P2RY6: variants seen among roughly 807,000 people sequenced by gnomAD.
P2RY6 encodes pyrimidinergic receptor P2Y6, also known as P2Y purinoceptor 6.
Under a neutral mutation model 16.3 loss-of-function variants are expected in P2RY6, and 19 were observed. That is an observed-to-expected ratio of 1.16 (90% confidence interval 0.81 to 1.71). P2RY6 has a LOEUF of 1.71. P2RY6 is among the 40% of genes most tolerant of loss of function. The pLI is 0.00. For synonymous variants in P2RY6, 184 were observed against 201.5 expected (o/e 0.91, Z 0.74); for missense variants, 389 against 455.5 (o/e 0.85, Z 1.33).
In P2RY6 at chr11:73,296,234, ATATATATAT is replaced by A. The variant is rs1308806757; in HGVS notation, c.-34-250_-34-242del. On this transcript the variant is annotated intron_variant, in intron 2 of 2. Transcript: ENST00000540124. ...TAGGAAGGCTGAAGGAAAAAAAAAA[ATATATATAT>A]ATATATATATATATAATATATAAAC... 3.2e-3 allele frequency among the ~76,000 whole-genome samples: 316 copies of A among 98,860 alleles called. 1 individual carries two copies. The highest frequency in any genetic ancestry group is 0.013 in the African/African-American group (303 of 22,996). The allele number at this position is 98,860 out of a possible 152,430, so 64.9% of individuals were successfully genotyped here.
At chr11:73,288,679 T>C (rs1255732764) in intron 1 of P2RY6, among the ~76,000 whole-genome samples, 2 of 151,974 alleles carry the variant, frequency 1.3e-5, no homozygotes, top group Admixed American at 6.6e-5. Flanking sequence ...CTGCCCAGAG[T>C]CAGGATTGGG....
At chr11:73,293,845 CTGGGGG>C (rs1449203284) in intron 1 of P2RY6, among the ~76,000 whole-genome samples, 4 of 152,126 alleles carry the variant, frequency 2.6e-5, no homozygotes, top group African/African-American at 4.8e-5. Flanking sequence ...AGGGCTGTCC[CTGGGGG>C]TGGGATCTGA....
chr11:73,290,189 T>C (rs574825527), intron 1 of P2RY6, among the ~76,000 whole-genome samples: 2 of 149,432 alleles, frequency 1.3e-5, no homozygotes, highest in South Asian at 4.2e-4. Flanking sequence ...GCCATTGTAC[T>C]CCAGCCTGGG....
intron 1 of P2RY6, among the ~76,000 whole-genome samples, chr11:73,290,154 G>A (rs1318723784): frequency 3.3e-5 from 5 of 151,830 alleles, no homozygotes; most frequent in African/African-American, 4.8e-5. Flanking sequence ...CCTGGGAGGC[G>A]GAAGTTGCAG....
At chr11:73,287,127 C>G (rs1177538919) in intron 1 of P2RY6, among the ~76,000 whole-genome samples, 1 of 152,234 alleles carries the variant, frequency 6.6e-6, no homozygotes, top group Non-Finnish European at 1.5e-5. Context: ...ATCCCCATCT[C>G]TCATCTCTGC....
intron 1 of P2RY6, among the ~76,000 whole-genome samples, chr11:73,274,843 C>T (rs921238044): frequency 1.3e-5 from 2 of 152,210 alleles, no homozygotes; most frequent in Non-Finnish European, 2.9e-5. Flanking sequence ...CACCCTGCCC[C>T]CTCCTGCCTT....
Position 73,298,197 on chromosome 11 carries a change from T to C in P2RY6, c.*692T>C, listed in dbSNP as rs1864589669. On this transcript the variant is annotated 3_prime_UTR_variant, in exon 3 of 3. Coordinates refer to ENST00000540124, the MANE Select transcript of P2RY6 (RefSeq NM_001277204.2). The stretch of plus-strand genomic sequence containing the variant: ...AGGAGGGAGCATCTGAGCCAGATGT[T>C]GAGGGCTGAGTGGGAACTTGGCAAG... 1 of 167,042 alleles carries C rather than the reference T, an allele frequency of 6.0e-6. No individual in the cohort carries two copies. The highest frequency in any genetic ancestry group is 1.9e-4 in the East Asian group (1 of 5,178). The allele number at this position is 167,042 out of a possible 1,614,324, so 10.3% of individuals were successfully genotyped here.
chr11:73,297,291 C>A lies in P2RY6; in HGVS notation c.773C>A (p.Thr258Asn). The change falls in exon 3 of 3, where the codon ACC (threonine) becomes AAC (asparagine). Residue 258 changes from threonine (T) to asparagine (N), a missense_variant. Thr to Asn is a moderately conservative substitution (Grantham distance 65, BLOSUM62 0). Coordinates refer to ENST00000540124, the MANE Select transcript of P2RY6 (RefSeq NM_001277204.2). The stretch of plus-strand genomic sequence containing the variant: ...ATCAGCTTCCTGCCTTTTCACATCA[C>A]CAAGACAGCCTACCTGGCAGTGCGC... ...FAISFLPFHI[T>N]KTAYLAVRST... The A allele has an allele frequency of 6.2e-7, 1 of 1,609,438 alleles. No homozygotes were observed. The highest frequency in any genetic ancestry group is 2.2e-5 in the East Asian group (1 of 44,848).
At chr11:73,275,647 C>A (rs181447497) in intron 1 of P2RY6, among the ~76,000 whole-genome samples, 1 of 150,922 alleles carries the variant, frequency 6.6e-6, no homozygotes, top group East Asian at 1.9e-4. Context: ...GAAGGACACA[C>A]CTCCATAGCA....
At chr11:73,270,438 C>T (rs776898765), upstream of P2RY6, among the ~76,000 whole-genome samples, 6 of 152,138 alleles carry the variant, frequency 3.9e-5, no homozygotes, top group Admixed American at 6.5e-5. Context: ...GCACAGCCAG[C>T]CCCTCACAGG....
chr11:73,271,089 G>T (rs994671792), upstream of P2RY6, among the ~76,000 whole-genome samples: 1 of 152,208 alleles, frequency 6.6e-6, no homozygotes, highest in Non-Finnish European at 1.5e-5. Flanking sequence ...GAACAGAGTA[G>T]GTGGCCAATA....
At chr11:73,266,848 G>T (rs1292647492) in intron 1 of P2RY6, among the ~76,000 whole-genome samples, 1 of 152,182 alleles carries the variant, frequency 6.6e-6, no homozygotes, top group South Asian at 2.1e-4. Context: ...TGCCCCAGAG[G>T]CCCTGAGAGC....
intron 1 of P2RY6, among the ~76,000 whole-genome samples, chr11:73,277,454 G>T (rs967029084): frequency 6.6e-6 from 1 of 152,210 alleles, no homozygotes; most frequent in Non-Finnish European, 1.5e-5. Context: ...AAAGTGGGAA[G>T]GGCCTGTAAT....
At position 73,297,583 on chromosome 11, in the gene P2RY6, C is replaced by A. The variant is rs537555142; in HGVS notation, c.*78C>A. 647 of 1,148,298 alleles carry A rather than the reference C, an allele frequency of 5.6e-4. 4 individuals are homozygous for A. The African/African-American group carries it at 9.0e-3, about 16-fold the overall frequency. 71.1% of individuals were successfully genotyped at this position (1,148,298 alleles called of 1,614,324 possible). ...GGAGCCCCACCAACCCCAAACCATG[C>A]GGAGAATTAGAGTTCAGCTCAGCTG... On this transcript the variant is annotated 3_prime_UTR_variant, in exon 3 of 3. Coordinates refer to ENST00000540124, the MANE Select transcript of P2RY6 (RefSeq NM_001277204.2).
chr11:73,266,415 C>A (rs1863104582), intron 1 of P2RY6, among the ~76,000 whole-genome samples: 1 of 152,148 alleles, frequency 6.6e-6, no homozygotes, highest in Non-Finnish European at 1.5e-5. Flanking sequence ...CTGGCAGGGG[C>A]AGGAGCCTGG....
chr11:73,287,481 G>A (rs1335012198), intron 1 of P2RY6, among the ~76,000 whole-genome samples: 1 of 152,192 alleles, frequency 6.6e-6, no homozygotes, highest in African/African-American at 2.4e-5. Flanking sequence ...AAAATCAGAG[G>A]GCAGCGTCGT....
chr11:73,275,542 A>C (rs148297681), intron 1 of P2RY6, among the ~76,000 whole-genome samples: 1 of 152,350 alleles, frequency 6.6e-6, no homozygotes, highest in Non-Finnish European at 1.5e-5. Context: ...CAGACTTGGA[A>C]GTGCCAGAAC....
At chr11:73,276,203 A>G (rs922943507) in intron 1 of P2RY6, among the ~76,000 whole-genome samples, 13 of 152,272 alleles carry the variant, frequency 8.5e-5, no homozygotes, top group African/African-American at 3.1e-4. Flanking sequence ...AATGGCTACA[A>G]TGAAAAAGAC....
intron 1 of P2RY6, among the ~76,000 whole-genome samples, chr11:73,266,597 C>T (rs1317442420): frequency 6.6e-6 from 1 of 152,222 alleles, no homozygotes; most frequent in Non-Finnish European, 1.5e-5. Context: ...GGGGCTAAAA[C>T]TTCTGCATTG....
Sources: allele counts gnomAD v4.1 joint callset (sites outside exome capture counted in the v4.1 genomes callset), GRCh38; gene constraint gnomAD v4.1.1; transcripts MANE v1.5; gene names NCBI Gene and HGNC (gene_info 2026-07-23, HGNC 2026-07-21).